INSYN2A: variants seen among roughly 807,000 people sequenced by gnomAD.
INSYN2A encodes the protein inhibitory synaptic factor 2A, also known as family with sequence similarity 196 member A.
A neutral mutation model predicts 39.4 loss-of-function variants in INSYN2A; 17 were observed. The observed-to-expected ratio is 0.43, with a 90% CI of 0.30 to 0.65. INSYN2A has a LOEUF of 0.65. Among genes scored for constraint, INSYN2A ranks in the 30% least tolerant of loss-of-function variants. The pLI is 0.14. For missense variants in INSYN2A, 595 were observed against 631.2 expected (o/e 0.94, Z 0.61); for synonymous variants, 255 against 265.7 (o/e 0.96, Z 0.39).
chr10:127,149,020 G>A (rs566168890), intron 5 of INSYN2A, among the ~76,000 whole-genome samples: 9 of 152,276 alleles, frequency 5.9e-5, no homozygotes, highest in Admixed American at 1.3e-4. Context: ...ATCCTCTGCC[G>A]AAGAAGTGTT....
chr10:127,175,067 C>T lies in INSYN2A; in HGVS notation c.1184+145G>A. 2 of 701,108 alleles carry T rather than the reference C, an allele frequency of 2.9e-6. No individual in the cohort carries two copies. Among genetic ancestry groups the T allele is most frequent in the East Asian group, 5.0e-5 (2 of 39,958 alleles). 43.4% of individuals were successfully genotyped at this position (701,108 alleles called of 1,614,324 possible). ...AGTATCATAAAATAATCTGCGACCC[C>T]TTGGAGCTCGCCACGCCCTTAGACT... On this transcript the variant is annotated intron_variant, in intron 4 of 5. Transcript: ENST00000522781. This position sits in a 1 kb window ranked among gnomAD's most constrained non-coding sequence, Gnocchi z 6.3.
At chr10:127,181,801 T>C (rs750506687) in intron 2 of INSYN2A, among the ~76,000 whole-genome samples, 2 of 152,152 alleles carry the variant, frequency 1.3e-5, no homozygotes, top group Non-Finnish European at 2.9e-5. Context: ...GTCACTCACA[T>C]TGTGAAATAG....
At chr10:127,157,956 T>C (rs1238951617) in intron 4 of INSYN2A, among the ~76,000 whole-genome samples, 1 of 152,242 alleles carries the variant, frequency 6.6e-6, no homozygotes, top group Non-Finnish European at 1.5e-5. Context: ...AAAATTTTAT[T>C]AAGCACGAGA....
intron 4 of INSYN2A, among the ~76,000 whole-genome samples, chr10:127,172,025 G>T (rs963628478): frequency 2.0e-5 from 3 of 152,132 alleles, no homozygotes; most frequent in Non-Finnish European, 2.9e-5. Flanking sequence ...TTTTAACTTG[G>T]TCATTTGAGT....
chr10:127,145,117 C>A lies in INSYN2A; in HGVS notation c.1257-7097G>T, dbSNP rs533921602. Among the ~76,000 whole-genome samples the A allele has an allele frequency of 2.0e-5, 3 of 152,282 alleles. No individual in the cohort carries two copies. The South Asian group carries it at 6.2e-4, about 32-fold the overall frequency. On this transcript the variant is annotated intron_variant, in intron 5 of 5. Coordinates refer to ENST00000522781, the MANE Select transcript of INSYN2A (RefSeq NM_001039762.3). ...AGCTCATCCTAGGTGCCCATCTTAC[C>A]TGTGGCACTCTCTGGAGTGCACCTG...
At chr10:127,195,853 G>A (rs1030155221) in intron 1 of INSYN2A, 144 bp downstream of exon 1, 1 of 152,280 alleles carries the variant, frequency 6.6e-6, no homozygotes, top group Non-Finnish European at 1.5e-5. Context: ...GGCCCCGGGA[G>A]CCGCCGAGTT....
rs2057151386 is a variant in INSYN2A, at chr10:127,196,381, G to C, written c.-779C>G. 6.7e-6 allele frequency among the ~76,000 whole-genome samples: 1 copy of C among 148,710 alleles called. No homozygotes were observed. Among genetic ancestry groups the C allele is most frequent in the Non-Finnish European group, 1.5e-5 (1 of 66,754 alleles). On this transcript the variant is annotated 5_prime_UTR_variant, in exon 1 of 6. It adds an upstream start codon to the 5' untranslated region. Coordinates refer to ENST00000522781, the MANE Select transcript of INSYN2A (RefSeq NM_001039762.3). The stretch of plus-strand genomic sequence containing the variant: ...CAGCCACCCGGCTTCGCGCTCCTCC[G>C]ATGTCCTCATTTACTGCAATTGTCT...
In INSYN2A at chr10:127,176,976, T is replaced by C. The variant is rs1289340385; in HGVS notation, c.-105A>G. On this transcript the variant is annotated 5_prime_UTR_variant, in exon 3 of 6. Transcript: ENST00000522781. This position sits in a 1 kb window ranked among gnomAD's most constrained non-coding sequence, Gnocchi z 4.4. ...AGCCGTTATGGATTCCGGGGGAGAG[T>C]TGGCCGTGCTCCTGGGTGGGAACCG... is the stretch of plus-strand genomic sequence containing the variant. The C allele has an allele frequency of 6.6e-6, 1 of 151,680 alleles. No homozygotes were observed. The highest frequency in any genetic ancestry group is 1.5e-5 in the Non-Finnish European group (1 of 68,136). The allele number at this position is 151,680 out of a possible 1,614,324, so 9.4% of individuals were successfully genotyped here.
chr10:127,163,299 C>T (rs1457824226), intron 4 of INSYN2A, among the ~76,000 whole-genome samples: 1 of 152,068 alleles, frequency 6.6e-6, no homozygotes, highest in African/African-American at 2.4e-5. Flanking sequence ...CAGTTTCCTT[C>T]CCACCTCTCC....
intron 2 of INSYN2A, among the ~76,000 whole-genome samples, chr10:127,177,923 G>A (rs1293237418): frequency 1.3e-5 from 2 of 152,208 alleles, no homozygotes; most frequent in African/African-American, 4.8e-5. Context: ...TGTCACACAG[G>A]AAATAAGCAG....
chr10:127,160,579 C>T (rs1253102239), intron 4 of INSYN2A, among the ~76,000 whole-genome samples: 1 of 152,186 alleles, frequency 6.6e-6, no homozygotes, highest in Non-Finnish European at 1.5e-5. Flanking sequence ...GGGAGCAGCA[C>T]GTTGGATAGT....
chr10:127,135,762 A>G lies in INSYN2A; in HGVS notation c.*2075T>C, dbSNP rs1035632817. ...TTTTTTTTGGTCTAGACTGGTGTGA[A>G]ACAGTGACATTATTTTGTGTACTAG... On this transcript the variant is annotated 3_prime_UTR_variant, in exon 6 of 6. Coordinates refer to ENST00000522781, the MANE Select transcript of INSYN2A (RefSeq NM_001039762.3). The G allele has an allele frequency of 6.6e-6, 1 of 152,606 alleles. No individual in the cohort carries two copies. The highest frequency in any genetic ancestry group is 2.4e-5 in the African/African-American group (1 of 41,436). The allele number at this position is 152,606 out of a possible 1,614,324, so 9.5% of individuals were successfully genotyped here. A position where few individuals can be genotyped will look rare whatever the true frequency, so the allele number is the denominator to read the frequency against.
chr10:127,146,688 G>A (rs1417470217), intron 5 of INSYN2A, among the ~76,000 whole-genome samples: 1 of 152,150 alleles, frequency 6.6e-6, no homozygotes, highest in Non-Finnish European at 1.5e-5. Context: ...CCCCACCTCA[G>A]TTCATGCTGC....
chr10:127,177,968 G>A (rs764848507), intron 2 of INSYN2A, among the ~76,000 whole-genome samples: 1 of 152,178 alleles, frequency 6.6e-6, no homozygotes, highest in Admixed American at 6.5e-5. Flanking sequence ...TTAGTGGACC[G>A]CTGAATCCAT....
At chr10:127,195,061 C>G (rs1035050619) in intron 1 of INSYN2A, among the ~76,000 whole-genome samples, 9 of 152,326 alleles carry the variant, frequency 5.9e-5, no homozygotes, top group African/African-American at 1.9e-4. Context: ...TCTCCTCCCC[C>G]ACTCCTGGCA....
intron 4 of INSYN2A, among the ~76,000 whole-genome samples, chr10:127,170,130 G>A (rs1309320314): frequency 6.6e-6 from 1 of 152,078 alleles, no homozygotes; most frequent in African/African-American, 2.4e-5. Flanking sequence ...TGGGGTGGCA[G>A]GGATGATGGG....
intron 5 of INSYN2A, among the ~76,000 whole-genome samples, chr10:127,140,416 C>T (rs546112202): frequency 3.9e-5 from 6 of 152,288 alleles, no homozygotes; most frequent in Non-Finnish European, 5.9e-5. Context: ...CACTTGGAAA[C>T]GCCTGCCAGC....
intron 4 of INSYN2A, among the ~76,000 whole-genome samples, chr10:127,164,753 A>G (rs2053929836): frequency 2.0e-5 from 3 of 152,234 alleles, no homozygotes; most frequent in Non-Finnish European, 4.4e-5. Context: ...CAGGAAAGCT[A>G]GTAATTATTA....
intron 5 of INSYN2A, 30 bp from the exon 6 acceptor site, chr10:127,138,050 C>T (rs1175959441): frequency 6.4e-7 from 1 of 1,566,720 alleles, no homozygotes; most frequent in Admixed American, 2.0e-5. Context: ...AAGACTTTAG[C>T]ATTTGATCTT....
Sources: gnomAD v4.1 joint callset for allele counts (sites outside exome capture counted in the v4.1 genomes callset) on GRCh38, gnomAD v4.1.1 for gene constraint, Gnocchi (gnomAD v3.1) non-coding constraint, MANE v1.5 for transcripts, NCBI Gene and HGNC (gene_info 2026-07-23, HGNC 2026-07-21) for gene names.